PCDHGA1: variants seen among roughly 807,000 people sequenced by gnomAD.
The protein encoded by PCDHGA1 is protocadherin gamma subfamily A, 1.
PCDHGA1 carries 32 observed loss-of-function variants against 58.0 expected under a neutral mutation model. The observed-to-expected ratio is 0.55, with a 90% CI of 0.42 to 0.74. The LOEUF (loss-of-function observed/expected upper bound fraction) is 0.74. PCDHGA1 is among the 30% of genes least tolerant of loss of function. The pLI is 0.00. For synonymous variants in PCDHGA1, 498 were observed against 501.1 expected, an observed-to-expected ratio of 0.99 and a Z score of 0.08; for missense variants, 1,205 against 1,182.3, an observed-to-expected ratio of 1.02 and a Z score of -0.28.
chr5:141,435,059 G>A (rs2097741198), intron 1 of PCDHGA1, among the ~76,000 whole-genome samples: 1 of 152,042 alleles, frequency 6.6e-6, no homozygotes, highest in Non-Finnish European at 1.5e-5. Context: ...CCATGCAGCA[G>A]TTTTGTGTAG....
intron 1 of PCDHGA1, chr5:141,361,981 C>A (rs370897399): frequency 1.4e-4 from 232 of 1,601,314 alleles, no homozygotes; most frequent in Non-Finnish European, 1.8e-4. Context: ...CGAGCCCGGG[C>A]TCTTCAGCCT....
At chr5:141,366,088 C>G (rs752144187) in intron 1 of PCDHGA1, 2 of 1,614,256 alleles carry the variant, frequency 1.2e-6, no homozygotes, top group South Asian at 2.2e-5. Context: ...AACCTGGCTA[C>G]CTGGTGACCA....
intron 1 of PCDHGA1, chr5:141,357,321 T>A (rs1203319140): frequency 6.2e-7 from 1 of 1,613,998 alleles, no homozygotes; most frequent in Non-Finnish European, 8.5e-7. Flanking sequence ...TCCTGGCTTT[T>A]GTCACGGTGC....
intron 1 of PCDHGA1, chr5:141,361,291 G>A: frequency 6.2e-7 from 1 of 1,614,040 alleles, no homozygotes; most frequent in Non-Finnish European, 8.5e-7. Flanking sequence ...TTACTGCCAA[G>A]TGTTGGGAAA....
chr5:141,399,336 T>C, intron 1 of PCDHGA1: 2 of 1,613,976 alleles, frequency 1.2e-6, no homozygotes, highest in Non-Finnish European at 1.7e-6. Context: ...TGGTAACAGA[T>C]GGAACCCTAG....
chr5:141,461,591 C>T (rs1368759571), intron 1 of PCDHGA1, among the ~76,000 whole-genome samples: 1 of 152,088 alleles, frequency 6.6e-6, no homozygotes, highest in Non-Finnish European at 1.5e-5. Flanking sequence ...GTTATATTTC[C>T]ATTATAATTT....
intron 1 of PCDHGA1, chr5:141,384,918 C>T: frequency 6.2e-7 from 1 of 1,613,954 alleles, no homozygotes; most frequent in South Asian, 1.1e-5. Context: ...AAGTCTTGGC[C>T]GACCTGGGCA....
intron 1 of PCDHGA1, chr5:141,394,938 G>A: frequency 6.2e-7 from 1 of 1,613,780 alleles, no homozygotes; most frequent in Non-Finnish European, 8.5e-7. Context: ...CGCCTTTGTC[G>A]CTGTGCTTCT....
chr5:141,460,983 G>A (rs12516231), intron 1 of PCDHGA1, among the ~76,000 whole-genome samples: 37,603 of 137,412 alleles, frequency 0.27, 5,103 homozygotes, highest in Admixed American at 0.34. Flanking sequence ...GTGTGTGTGT[G>A]TATATATATA....
rs1319222603 is a variant in PCDHGA1 at position 141,438,686 on chromosome 5, A to G, written c.2422-56121A>G. Among the ~76,000 whole-genome samples the G allele has an allele frequency of 2.8e-5, 4 of 140,922 alleles. No homozygotes were observed. The Admixed American group carries it at 2.9e-4, about 10-fold the overall frequency. 92.5% of individuals were successfully genotyped at this position (140,922 alleles called of 152,430 possible). On this transcript the variant is annotated intron_variant, in intron 1 of 3. Transcript: ENST00000517417. ...TATATATATTTGGAGTAGGGGATGGAGTCTTGCTCTGTCACCCAGGCTGGA... is the reference window on the plus strand; with the variant it reads ...TATATATATTTGGAGTAGGGGATGGGGTCTTGCTCTGTCACCCAGGCTGGA...
intron 1 of PCDHGA1, among the ~76,000 whole-genome samples, chr5:141,481,223 A>C (rs935737972): frequency 3.3e-5 from 5 of 152,242 alleles, no homozygotes; most frequent in Non-Finnish European, 7.3e-5. Context: ...AAGGTCTCCC[A>C]GCCTTAAAGT....
At chr5:141,340,547 C>G (rs764772557) in intron 1 of PCDHGA1, 20 of 1,614,224 alleles carry the variant, frequency 1.2e-5, no homozygotes, top group Non-Finnish European at 1.7e-5. Context: ...TGAGCAGTTG[C>G]GAGACTTGCA....
rs143317584 is a variant in PCDHGA1 at position 141,432,282 on chromosome 5, A to G, written c.2422-62525A>G. 5.0e-5 allele frequency: 81 copies of G among 1,613,850 alleles called. No homozygotes were observed. The African/African-American group carries it at 6.4e-4, about 13-fold the overall frequency. ...AGCCTATCGTCCTACGTGTCCATCAACTCCGACACTGGGGTACTGTATGCG... is the reference window on the plus strand; with the variant it reads ...AGCCTATCGTCCTACGTGTCCATCAGCTCCGACACTGGGGTACTGTATGCG... On this transcript the variant is annotated intron_variant, in intron 1 of 3. Transcript: ENST00000517417. This position sits in a 1 kb window ranked among gnomAD's most constrained non-coding sequence, Gnocchi z 6.0.
intron 1 of PCDHGA1, chr5:141,475,974 A>G: frequency 1.0e-6 from 1 of 975,714 alleles, no homozygotes; most frequent in Non-Finnish European, 1.5e-6. Flanking sequence ...GCAGAGACTG[A>G]ACAGCCGGCG....
At chr5:141,345,010 G>A (rs901226383) in intron 1 of PCDHGA1, 4 of 1,613,972 alleles carry the variant, frequency 2.5e-6, no homozygotes, top group Non-Finnish European at 3.4e-6. Context: ...GATGGACCAG[G>A]TCTTCTTTCA....
intron 1 of PCDHGA1, among the ~76,000 whole-genome samples, chr5:141,473,775 T>A (rs1219791398): frequency 6.6e-6 from 1 of 152,190 alleles, no homozygotes; most frequent in African/African-American, 2.4e-5. Flanking sequence ...ATTTGGTATT[T>A]TAATTCAAGA....
In PCDHGA1 at chr5:141,454,796, A is replaced by ATTTTTTTTTTTTTTTTTTTTT. The variant is rs61612330; in HGVS notation, c.2422-40002_2422-39982dup. Reference sequence around the variant, plus strand: ...AAGGAAATAATCCTCCATGGTTCTAATTTTTTTTTTTTTTTTTTTTTTTTT... The same window carrying ATTTTTTTTTTTTTTTTTTTTT: ...AAGGAAATAATCCTCCATGGTTCTAATTTTTTTTTTTTTTTTTTTTTTTTTTTTTTTTTTTTTTTTTTTTTT... On this transcript the variant is annotated intron_variant, in intron 1 of 3. Transcript: ENST00000517417. Among the ~76,000 whole-genome samples, 10 of 77,454 alleles carry ATTTTTTTTTTTTTTTTTTTTT rather than the reference A, an allele frequency of 1.3e-4. 1 individual carries two copies. Among genetic ancestry groups the ATTTTTTTTTTTTTTTTTTTTT allele is most frequent in the Non-Finnish European group, 1.9e-4 (8 of 42,810 alleles). The allele number at this position is 77,454 out of a possible 152,430, so 50.8% of individuals were successfully genotyped here. A position where few individuals can be genotyped will look rare whatever the true frequency, so the allele number is the denominator to read the frequency against.
intron 1 of PCDHGA1, among the ~76,000 whole-genome samples, chr5:141,451,873 C>A (rs1425706652): frequency 1.3e-5 from 2 of 151,830 alleles, no homozygotes; most frequent in East Asian, 3.9e-4. Context: ...AGAATGAAAC[C>A]CTGTCAAGAA....
chr5:141,482,622 A>G (rs1197606374), intron 1 of PCDHGA1, among the ~76,000 whole-genome samples: 1 of 151,936 alleles, frequency 6.6e-6, no homozygotes, highest in Non-Finnish European at 1.5e-5. Context: ...AGCCTGGAGA[A>G]AGGAAGAAAT....
Sources: allele counts gnomAD v4.1 joint callset (sites outside exome capture counted in the v4.1 genomes callset), GRCh38; gene constraint gnomAD v4.1.1; non-coding constraint Gnocchi (gnomAD v3.1); transcripts MANE v1.5; gene names NCBI Gene and HGNC (gene_info 2026-07-23, HGNC 2026-07-21).